XKR6: variants seen among roughly 807,000 people sequenced by gnomAD.
The protein encoded by XKR6 is XK related 6.
A neutral mutation model predicts 56.7 loss-of-function variants in XKR6; 22 were observed. That is an observed-to-expected ratio of 0.39 (90% CI 0.28 to 0.55). The LOEUF is 0.55. Ranked by LOEUF, XKR6 falls within the 20% of genes least tolerant of loss-of-function variation. The pLI is 0.66. For missense variants in XKR6, 852 were observed against 889.0 expected (o/e 0.96, Z 0.53); for synonymous variants, 524 against 387.8 (o/e 1.35, Z -4.13).
At position 10,923,369 on chromosome 8, in the gene XKR6, AG is replaced by A. The variant is rs1273794714; in HGVS notation, c.961+1264del. Among the ~76,000 whole-genome samples, 163 of 152,180 alleles carry A rather than the reference AG, an allele frequency of 1.1e-3. 1 individual carries two copies. The highest frequency in any genetic ancestry group is 2.0e-3 in the Non-Finnish European group (138 of 68,000). The stretch of plus-strand genomic sequence containing the variant: ...TTTTTCTACCAGACAGCCTCCATTG[AG>A]GGCTGTTCTGGTTCAGTAGATGGGA... On this transcript the variant is annotated intron_variant, in intron 2 of 2. Transcript: ENST00000416569.
intron 1 of XKR6, among the ~76,000 whole-genome samples, chr8:11,140,715 G>A (rs1345052577): frequency 6.6e-6 from 1 of 151,960 alleles, no homozygotes; most frequent in Non-Finnish European, 1.5e-5. Flanking sequence ...GGCTAACACG[G>A]TGAAACCCGG....
intron 1 of XKR6, among the ~76,000 whole-genome samples, chr8:11,197,466 C>G (rs556894353): frequency 6.6e-6 from 1 of 152,342 alleles, no homozygotes; most frequent in South Asian, 2.1e-4. Flanking sequence ...TGCTCTCACT[C>G]TCTATTAACA....
chr8:10,970,058 G>T (rs887815674), intron 1 of XKR6, among the ~76,000 whole-genome samples: 2 of 152,240 alleles, frequency 1.3e-5, no homozygotes, highest in Non-Finnish European at 2.9e-5. Context: ...GGTGGCACTT[G>T]TGAACGATTT....
At chr8:11,114,727 ATGTGTGTGTGTGTG>A (rs58011023) in intron 1 of XKR6, among the ~76,000 whole-genome samples, 4,465 of 118,484 alleles carry the variant, frequency 0.038, 149 homozygotes, top group African/African-American at 0.076. Flanking sequence ...TAGATCACAT[ATGTGTGTGTGTGTG>A]TGTGTGTGTG....
rs560644439 is a variant in XKR6 at position 10,985,870 on chromosome 8, C to T, written c.765-61040G>A. Among the ~76,000 whole-genome samples the T allele has an allele frequency of 1.3e-3, 200 of 152,232 alleles. 3 individuals are homozygous for T. Among genetic ancestry groups the T allele is most frequent in the African/African-American group, 4.6e-3 (191 of 41,524 alleles). On this transcript the variant is annotated intron_variant, in intron 1 of 2. Transcript: ENST00000416569. ...ATCCACCTGCCTTGGACTCCCAGAG[C>T]GCTGGGATTACAGGCATGAGCCACT...
chr8:10,943,569 C>A (rs562419141), intron 1 of XKR6, among the ~76,000 whole-genome samples: 1 of 152,260 alleles, frequency 6.6e-6, no homozygotes, highest in East Asian at 1.9e-4. Flanking sequence ...CACATGCCTG[C>A]TCCTTGACCT....
intron 1 of XKR6, among the ~76,000 whole-genome samples, chr8:11,198,966 G>A (rs756815854): frequency 6.7e-6 from 1 of 150,112 alleles, no homozygotes; most frequent in South Asian, 2.1e-4. Flanking sequence ...CCTTTCATTC[G>A]ATATGACTTT....
At position 11,021,388 on chromosome 8, in the gene XKR6, C is replaced by T. The variant is rs189225038; in HGVS notation, c.765-96558G>A. Reference sequence around the variant, plus strand: ...TGCTGCTGGATTCCATAAGTTCCATCGGATTAAGGATGAGCTTAATGTATA... The same window carrying T: ...TGCTGCTGGATTCCATAAGTTCCATTGGATTAAGGATGAGCTTAATGTATA... On this transcript the variant is annotated intron_variant, in intron 1 of 2. Coordinates refer to ENST00000416569, the MANE Select transcript of XKR6 (RefSeq NM_173683.4). Among the ~76,000 whole-genome samples, 960 of 152,276 alleles carry T rather than the reference C, an allele frequency of 6.3e-3. 8 individuals are homozygous for T. The highest frequency in any genetic ancestry group is 0.022 in the African/African-American group (925 of 41,570).
In XKR6 at chr8:11,036,940, G is replaced by A. The variant is rs535091853; in HGVS notation, c.765-112110C>T. 2.0e-4 allele frequency among the ~76,000 whole-genome samples: 31 copies of A among 152,318 alleles called. No individual in the cohort carries two copies. The East Asian group carries it at 6.0e-3, about 29-fold the overall frequency. On this transcript the variant is annotated intron_variant, in intron 1 of 2. Coordinates refer to ENST00000416569, the MANE Select transcript of XKR6 (RefSeq NM_173683.4). ...GCTTGAGCTAGAACCGCTCTGGCGAGCTCTCTCAGTTAGCTCTCCCCTGCT... is the reference window on the plus strand; with the variant it reads ...GCTTGAGCTAGAACCGCTCTGGCGAACTCTCTCAGTTAGCTCTCCCCTGCT...
intron 1 of XKR6, among the ~76,000 whole-genome samples, chr8:11,168,813 C>G (rs1161573675): frequency 6.6e-6 from 1 of 152,186 alleles, no homozygotes; most frequent in Non-Finnish European, 1.5e-5. Flanking sequence ...CCAGCCCACT[C>G]AGATACAGGA....
At chr8:10,984,615 A>C (rs1279627059) in intron 1 of XKR6, among the ~76,000 whole-genome samples, 1 of 151,758 alleles carries the variant, frequency 6.6e-6, no homozygotes. Flanking sequence ...TGCAGAGTAC[A>C]GAATTAATAA....
At chr8:10,975,983 G>A (rs1326995560) in intron 1 of XKR6, among the ~76,000 whole-genome samples, 1 of 151,972 alleles carries the variant, frequency 6.6e-6, no homozygotes, top group Non-Finnish European at 1.5e-5. Context: ...GACCATACTG[G>A]CTAACAAGGT....
intron 1 of XKR6, among the ~76,000 whole-genome samples, chr8:11,044,137 T>C (rs1004002051): frequency 2.6e-5 from 4 of 152,220 alleles, no homozygotes; most frequent in Admixed American, 6.5e-5. Context: ...ATAAGACCAC[T>C]GACCGTGGAC....
At chr8:11,116,692 A>T (rs774551226) in intron 1 of XKR6, among the ~76,000 whole-genome samples, 4 of 152,170 alleles carry the variant, frequency 2.6e-5, no homozygotes, top group Non-Finnish European at 4.4e-5. Context: ...ATTCGTTGGC[A>T]AGAACTAAAA....
chr8:11,030,361 T>C lies in XKR6; in HGVS notation c.765-105531A>G, dbSNP rs147144311. On this transcript the variant is annotated intron_variant, in intron 1 of 2. Transcript: ENST00000416569. Reference sequence around the variant, plus strand: ...AGAATGTACATGCTGCCATTGTTTCTCTGCAGATGCCATCAAACAACAGGC... The same window carrying C: ...AGAATGTACATGCTGCCATTGTTTCCCTGCAGATGCCATCAAACAACAGGC... 6.1e-3 allele frequency among the ~76,000 whole-genome samples: 923 copies of C among 152,354 alleles called. 8 individuals carry two copies. Among genetic ancestry groups the C allele is most frequent in the African/African-American group, 0.021 (887 of 41,578 alleles).
intron 1 of XKR6, among the ~76,000 whole-genome samples, chr8:11,126,364 C>G (rs570750027): frequency 1.2e-4 from 19 of 152,298 alleles, no homozygotes; most frequent in Middle Eastern, 6.8e-3. Context: ...CTGTGCCCGG[C>G]CTACTTTGGC....
intron 1 of XKR6, among the ~76,000 whole-genome samples, chr8:11,157,101 T>G (rs1056565753): frequency 6.6e-6 from 1 of 152,060 alleles, no homozygotes; most frequent in African/African-American, 2.4e-5. Context: ...ATAAGAAAAA[T>G]GTCATACTAA....
intron 1 of XKR6, among the ~76,000 whole-genome samples, chr8:11,025,918 G>A (rs899589866): frequency 6.6e-6 from 1 of 152,118 alleles, no homozygotes; most frequent in Admixed American, 6.5e-5. Flanking sequence ...GAAATGTGCT[G>A]TTAAATACAC....
At position 11,146,639 on chromosome 8, in the gene XKR6, A is replaced by C. The variant is rs1295786990; in HGVS notation, c.764+53937T>G. On this transcript the variant is annotated intron_variant, in intron 1 of 2. Transcript: ENST00000416569. ...AGACCCTGTCAAAAAAAAAAAAAAA[A>C]CACTAACAAAATGGGCTTCATCAAA... Among the ~76,000 whole-genome samples the C allele has an allele frequency of 5.3e-5, 8 of 151,532 alleles. No individual in the cohort carries two copies. In the East Asian group the frequency reaches 7.7e-4, roughly 15 times the overall value.
Sources: gnomAD v4.1 joint callset for allele counts (sites outside exome capture counted in the v4.1 genomes callset) on GRCh38, gnomAD v4.1.1 for gene constraint, MANE v1.5 for transcripts, NCBI Gene and HGNC (gene_info 2026-07-23, HGNC 2026-07-21) for gene names.